MRGPRF: variants seen among roughly 807,000 people sequenced by gnomAD.
The protein encoded by MRGPRF is MAS related GPR family member F.
In MRGPRF, 2 loss-of-function variants were observed where a neutral mutation model predicts 3.3. The ratio of observed to expected loss-of-function variants is 0.61; its 90% CI spans 0.25 to 1.92. The LOEUF (loss-of-function observed/expected upper bound fraction) is 1.92, where lower values mean the gene tolerates loss of function less well. MRGPRF is among the 40% of genes most tolerant of loss of function. MRGPRF has a pLI of 0.16. For synonymous variants in MRGPRF, 242 were observed against 222.7 expected (o/e 1.09, Z -0.77); for missense variants, 500 against 476.0 (o/e 1.05, Z -0.47).
Position 69,012,383 on chromosome 11 carries a change from C to G in MRGPRF, c.-57+700G>C, listed in dbSNP as rs370334957. 253 of 152,436 alleles carry G rather than the reference C, an allele frequency of 1.7e-3. 1 individual carries two copies. The highest frequency in any genetic ancestry group is 5.9e-3 in the African/African-American group (244 of 41,590). The allele number at this position is 152,436 out of a possible 1,614,324, so 9.4% of individuals were successfully genotyped here. A position where few individuals can be genotyped will look rare whatever the true frequency, so the allele number is the denominator to read the frequency against. On this transcript the variant is annotated intron_variant, in intron 1 of 2. Transcript: ENST00000309099. Reference sequence around the variant, plus strand: ...CGCCATCAGAGGGGCCTGTCTCGCTCCCCCAGACACAGAGCCTCTGTTTTC... The same window carrying G: ...CGCCATCAGAGGGGCCTGTCTCGCTGCCCCAGACACAGAGCCTCTGTTTTC...
chr11:69,009,429 C>T, intron 2 of MRGPRF: 2 of 507,402 alleles, frequency 3.9e-6, no homozygotes, highest in East Asian at 3.3e-5. Flanking sequence ...GGGCAACACT[C>T]TCGGGGTGGC....
intron 2 of MRGPRF, among the ~76,000 whole-genome samples, chr11:69,007,149 C>G (rs1358650847): frequency 6.6e-6 from 1 of 152,172 alleles, no homozygotes; most frequent in African/African-American, 2.4e-5. Context: ...ACGGGAACGT[C>G]CTTGTTCTTA....
rs745890698 is a variant in MRGPRF, at chr11:69,006,025, G to C, written c.285C>G (p.Ser95Arg). 2 of 1,575,340 alleles carry C rather than the reference G, an allele frequency of 1.3e-6. No individual in the cohort carries two copies. The highest frequency in any genetic ancestry group is 2.3e-5 in the South Asian group (2 of 86,456). Residue 95 changes from serine (S) to arginine (R), a missense_variant, in exon 3 of 3, where the codon AGC (serine) becomes AGG (arginine). Physicochemically the swap from Ser to Arg is moderately radical, Grantham distance 110. Coordinates refer to ENST00000309099, the MANE Select transcript of MRGPRF (RefSeq NM_145015.5). Reference sequence around the variant, plus strand: ...TGTTCAGGATGGAGAACACCGCCTTGCTGAAGAGGTAGCCCACATCGGCGC... The same window carrying C: ...TGTTCAGGATGGAGAACACCGCCTTCCTGAAGAGGTAGCCCACATCGGCGC... ...LASADVGYLF[S>R]KAVFSILNTG...
At chr11:69,009,012 G>A (rs1474161681) in intron 2 of MRGPRF, among the ~76,000 whole-genome samples, 1 of 152,220 alleles carries the variant, frequency 6.6e-6, no homozygotes, top group Non-Finnish European at 1.5e-5. Flanking sequence ...CTGCCTTTGC[G>A]CTGGGAGTTT....
chr11:69,006,759 G>A (rs917532874), intron 2 of MRGPRF, among the ~76,000 whole-genome samples: 1 of 151,938 alleles, frequency 6.6e-6, no homozygotes, highest in Non-Finnish European at 1.5e-5. Context: ...GAGTAGCTGG[G>A]ACTACGGGCA....
At position 69,006,326 on chromosome 11, in the gene MRGPRF, G is replaced by A. The variant is rs1860489871; in HGVS notation, c.49-65C>T. On this transcript the variant is annotated intron_variant, in intron 2 of 2. Coordinates refer to ENST00000309099, the MANE Select transcript of MRGPRF (RefSeq NM_145015.5). Reference sequence around the variant, plus strand: ...GCCCCCACCCACAGACCTGCATCTGGGGCCCAGCGTGGGGGAGGGGGGGGG... The same window carrying A: ...GCCCCCACCCACAGACCTGCATCTGAGGCCCAGCGTGGGGGAGGGGGGGGG... 6 of 1,485,680 alleles carry A rather than the reference G, an allele frequency of 4.0e-6. No homozygotes were observed. The East Asian group carries it at 1.4e-4, about 35-fold the overall frequency. The allele number at this position is 1,485,680 out of a possible 1,614,324, so 92.0% of individuals were successfully genotyped here.
At position 69,005,598 on chromosome 11, in the gene MRGPRF, TG is replaced by T; in HGVS notation, c.711del (p.Asn238ThrfsTer18). 1 of 1,575,874 alleles carries T rather than the reference TG, an allele frequency of 6.3e-7. No homozygotes were observed. The highest frequency in any genetic ancestry group is 8.6e-7 in the Non-Finnish European group (1 of 1,161,370). ...GAGACCATGGCCAGGATGACGTGGT[TG>T]AGCTTGGCAGAGCGCTGGCGCCGTC... is the stretch of plus-strand genomic sequence containing the variant. ...RARRRQRSAKLNHVILAMVSV... is the reference protein window; with the variant it reads ...RARRRQRSAKXNHVILAMVSV... On this transcript the variant is annotated frameshift_variant, in exon 3 of 3. Transcript: ENST00000309099. LOFTEE classifies it low-confidence loss of function (END_TRUNC).
intron 1 of MRGPRF, chr11:69,012,337 C>T (rs1322005932): frequency 6.6e-6 from 1 of 152,328 alleles, no homozygotes; most frequent in Non-Finnish European, 1.5e-5. Flanking sequence ...TGTCCCAGCC[C>T]CTCTCCTTAG....
In MRGPRF at chr11:69,007,088, C is replaced by A. The variant is rs561674819; in HGVS notation, c.49-827G>T. 1.3e-4 allele frequency among the ~76,000 whole-genome samples: 20 copies of A among 152,322 alleles called. No homozygotes were observed. In the South Asian group the frequency reaches 3.3e-3, roughly 25 times the overall value. The stretch of plus-strand genomic sequence containing the variant: ...TAATGGCATTGCATCGGTGTTGCAG[C>A]TTTTGAATGTGACAATGTACTGTGG... On this transcript the variant is annotated intron_variant, in intron 2 of 2. Transcript: ENST00000309099.
chr11:69,008,297 G>T (rs760502906), intron 2 of MRGPRF, among the ~76,000 whole-genome samples: 1 of 152,164 alleles, frequency 6.6e-6, no homozygotes, highest in African/African-American at 2.4e-5. Context: ...CTGCCTGCCC[G>T]GAGAACAGTC....
At position 69,005,801 on chromosome 11, in the gene MRGPRF, A is replaced by G. The variant is rs1244654958; in HGVS notation, c.509T>C (p.Leu170Pro). The G allele has an allele frequency of 1.3e-5, 20 of 1,537,656 alleles. No homozygotes were observed. The East Asian group carries it at 3.4e-4, about 26-fold the overall frequency. The change falls in exon 3 of 3, where the codon CTG (leucine) becomes CCG (proline). Residue 170 changes from leucine (L) to proline (P), a missense_variant. Leu to Pro is a moderately conservative substitution (Grantham distance 98). Transcript: ENST00000309099. The part of the protein sequence containing the change: ...SAVVCALLWV[L>P]SLLVTCLHNY... ...GTGCAGGCAGGTGACCAGGAGGGAC[A>G]GGACCCACAGCAGGGCGCACACCAC... is the stretch of plus-strand genomic sequence containing the variant.
Position 69,005,781 on chromosome 11 carries a change from G to A in MRGPRF, c.529C>T (p.Leu177=). ...LWVLSLLVTC[L]HNYFCVFLGR... is the part of the protein sequence containing the mutation. The stretch of plus-strand genomic sequence containing the variant: ...AGGAACACGCAGAAGTAGTTGTGCA[G>A]GCAGGTGACCAGGAGGGACAGGACC... The change falls in exon 3 of 3, where the codon CTG becomes TTG. Residue 177 remains leucine, a synonymous_variant. Transcript: ENST00000309099. 1.3e-6 allele frequency: 2 copies of A among 1,543,848 alleles called. No homozygotes were observed. The highest frequency in any genetic ancestry group is 1.7e-6 in the Non-Finnish European group (2 of 1,143,726).
intron 1 of MRGPRF, among the ~76,000 whole-genome samples, chr11:69,010,208 G>A (rs1860567648): frequency 6.6e-6 from 1 of 152,258 alleles, no homozygotes; most frequent in South Asian, 2.1e-4. Context: ...TGGAAAAGAA[G>A]CCCTCTCCTT....
intron 2 of MRGPRF, 70 bp from the exon 3 acceptor site, chr11:69,006,331 C>T: frequency 2.8e-6 from 4 of 1,452,252 alleles, no homozygotes; most frequent in Non-Finnish European, 3.6e-6. Context: ...ATCTGGGGCC[C>T]AGCGTGGGGG....
chr11:69,006,336 T>TGGG (rs1860490284), intron 2 of MRGPRF, 75 bp from the exon 3 acceptor site: 1 of 1,188,150 alleles, frequency 8.4e-7, no homozygotes, highest in African/African-American at 2.5e-5. Context: ...GGGCCCAGCG[T>TGGG]GGGGGAGGGG....
chr11:69,005,671 C>T lies in MRGPRF; in HGVS notation c.639G>A (p.Met213Ile). 1 of 1,551,614 alleles carries T rather than the reference C, an allele frequency of 6.4e-7. No individual in the cohort carries two copies. Among genetic ancestry groups the T allele is most frequent in the South Asian group, 1.2e-5 (1 of 84,096 alleles). The change falls in exon 3 of 3, where the codon ATG becomes ATA. Residue 213 changes from methionine (M) to isoleucine (I), a missense_variant. Transcript: ENST00000309099. ...ILLFLLCCPL[M>I]VLPCLALILH... is the part of the protein sequence containing the mutation. Reference sequence around the variant, plus strand: ...GGATGAGGGCCAGGCAGGGCAGCACCATGAGCGGGCAGCAGAGCAGGAACA... The same window carrying T: ...GGATGAGGGCCAGGCAGGGCAGCACTATGAGCGGGCAGCAGAGCAGGAACA...
intron 2 of MRGPRF, among the ~76,000 whole-genome samples, chr11:69,009,218 A>T (rs1860545334): frequency 6.6e-6 from 1 of 152,218 alleles, no homozygotes; most frequent in Non-Finnish European, 1.5e-5. Flanking sequence ...CCTGGGTGTA[A>T]GCCTCAGTTT....
chr11:69,006,252 C>A lies in MRGPRF; in HGVS notation c.58G>T (p.Gly20Cys). 1 of 1,609,298 alleles carries A rather than the reference C, an allele frequency of 6.2e-7. No individual in the cohort carries two copies. The highest frequency in any genetic ancestry group is 8.5e-7 in the Non-Finnish European group (1 of 1,178,740). The change falls in exon 3 of 3, where the codon GGC (glycine) becomes TGC (cysteine). Residue 20 changes from glycine to cysteine, a missense_variant. Physicochemically the swap from Gly to Cys is radical, Grantham distance 159 (BLOSUM62 -3). Coordinates refer to ENST00000309099, the MANE Select transcript of MRGPRF (RefSeq NM_145015.5). ...HPGNRNKMCP[G>C]LSEAPELYSR... ...TAGAGTTCCGGGGCCTCGCTCAGGC[C>A]AGGGCACATCTGCGCAGGTGCAGAG...
In MRGPRF at chr11:69,005,248, C is replaced by T; in HGVS notation, c.*30G>A. The T allele has an allele frequency of 6.9e-7, 1 of 1,458,662 alleles. No individual in the cohort carries two copies. The highest frequency in any genetic ancestry group is 9.0e-7 in the Non-Finnish European group (1 of 1,111,774). The allele number at this position is 1,458,662 out of a possible 1,614,324, so 90.4% of individuals were successfully genotyped here. ...GGCGAAGGGTCTTGGAGGCCGCTTC[C>T]TGCCCCTGCCTCCTCCAGGCGCTGG... is the stretch of plus-strand genomic sequence containing the variant. On this transcript the variant is annotated 3_prime_UTR_variant, in exon 3 of 3. Coordinates refer to ENST00000309099, the MANE Select transcript of MRGPRF (RefSeq NM_145015.5).
Sources: allele counts gnomAD v4.1 joint callset (sites outside exome capture counted in the v4.1 genomes callset), GRCh38; gene constraint gnomAD v4.1.1; transcripts MANE v1.5; gene names NCBI Gene and HGNC (gene_info 2026-07-23, HGNC 2026-07-21).